AGPS: variants seen among roughly 807,000 people sequenced by gnomAD.
AGPS encodes alkyldihydroxyacetonephosphate synthase, peroxisomal.
In AGPS, 26 loss-of-function variants were observed where a neutral mutation model predicts 90.7. The ratio of observed to expected loss-of-function variants is 0.29; its 90% CI spans 0.21 to 0.40. The LOEUF is 0.40. Ranked by LOEUF, AGPS falls within the 10% of genes least tolerant of loss-of-function variation. The pLI is 1.00. For missense variants in AGPS, 540 were observed against 816.1 expected, an observed-to-expected ratio of 0.66 and a Z score of 4.12; for synonymous variants, 294 against 285.3, an observed-to-expected ratio of 1.03 and a Z score of -0.31.
At chr2:177,431,650 T>G (rs1460634674) in intron 2 of AGPS, among the ~76,000 whole-genome samples, 2 of 152,122 alleles carry the variant, frequency 1.3e-5, no homozygotes. Context: ...GCTGGGAAAA[T>G]AATTCAGCGA....
intron 5 of AGPS, among the ~76,000 whole-genome samples, chr2:177,440,301 A>G (rs1686562327): frequency 6.6e-6 from 1 of 152,122 alleles, no homozygotes; most frequent in Admixed American, 6.5e-5. Context: ...TGCTGTATTA[A>G]TAAGTTAACA....
intron 2 of AGPS, among the ~76,000 whole-genome samples, chr2:177,424,499 A>G (rs985409207): frequency 6.6e-6 from 1 of 152,108 alleles, no homozygotes; most frequent in South Asian, 2.1e-4. Context: ...ATGCCTCTGA[A>G]TAGTAATTAG....
intron 1 of AGPS, among the ~76,000 whole-genome samples, chr2:177,412,896 A>G (rs1460130292): frequency 6.6e-6 from 1 of 152,132 alleles, no homozygotes; most frequent in East Asian, 1.9e-4. Flanking sequence ...GTGCAGGAAC[A>G]ATGGCAAGCC....
chr2:177,464,773 A>G (rs1687399952), intron 9 of AGPS, among the ~76,000 whole-genome samples: 1 of 152,236 alleles, frequency 6.6e-6, no homozygotes, highest in African/African-American at 2.4e-5. Context: ...GCTTCTATGA[A>G]AGGAGCCTTG....
At chr2:177,486,105 G>A (rs997197580) in intron 11 of AGPS, among the ~76,000 whole-genome samples, 6 of 152,238 alleles carry the variant, frequency 3.9e-5, no homozygotes, top group South Asian at 2.1e-4. Context: ...AAATATTATG[G>A]ACTAGAAAGT....
At chr2:177,497,147 T>C (rs1233045479) in intron 12 of AGPS, among the ~76,000 whole-genome samples, 2 of 152,038 alleles carry the variant, frequency 1.3e-5, no homozygotes, top group Non-Finnish European at 2.9e-5. Flanking sequence ...ATTTATGTTA[T>C]TTTGGCAATT....
chr2:177,423,456 C>T (rs1685990471), intron 2 of AGPS, among the ~76,000 whole-genome samples: 1 of 152,000 alleles, frequency 6.6e-6, no homozygotes, highest in Non-Finnish European at 1.5e-5. Context: ...ATTCAGGCCC[C>T]TCGCCTTCTA....
chr2:177,451,023 A>G (rs12616443), intron 8 of AGPS, among the ~76,000 whole-genome samples: 86,064 of 127,420 alleles, frequency 0.68, 29,248 homozygotes, highest in Non-Finnish European at 0.76. Flanking sequence ...GTCTAGTGGC[A>G]CCATCATAGC....
At chr2:177,478,952 A>G (rs1185761532) in intron 10 of AGPS, among the ~76,000 whole-genome samples, 1 of 151,934 alleles carries the variant, frequency 6.6e-6, no homozygotes, top group South Asian at 2.1e-4. Context: ...GTTTTTGAGA[A>G]TGTCCTTGGA....
At chr2:177,436,187 GC>G (rs897061970) in intron 3 of AGPS, among the ~76,000 whole-genome samples, 9 of 111,888 alleles carry the variant, frequency 8.0e-5, no homozygotes, top group Admixed American at 4.2e-4. Context: ...GTCTCCCAGA[GC>G]TCTGTCGCTC....
intron 6 of AGPS, chr2:177,441,506 A>G (rs1686599494): frequency 6.4e-6 from 1 of 155,100 alleles, no homozygotes; most frequent in South Asian, 2.0e-4. Context: ...AATGCCATTT[A>G]TTATGAAATA....
At position 177,476,489 on chromosome 2, in the gene AGPS, T is replaced by C. The variant is rs1022640213; in HGVS notation, c.1106-5570T>C. Among the ~76,000 whole-genome samples, 4 of 152,266 alleles carry C rather than the reference T, an allele frequency of 2.6e-5. No individual in the cohort carries two copies. In the East Asian group the frequency reaches 5.8e-4, roughly 22 times the overall value. On this transcript the variant is annotated intron_variant, in intron 10 of 19. Coordinates refer to ENST00000264167, the MANE Select transcript of AGPS (RefSeq NM_003659.4). Reference sequence around the variant, plus strand: ...AGTTAGCTTTCCAATTTCTTTCTTATCAGTTTCTTATTTCATTCCATTGTG... The same window carrying C: ...AGTTAGCTTTCCAATTTCTTTCTTACCAGTTTCTTATTTCATTCCATTGTG...
At chr2:177,394,208 C>T (rs1426791930) in intron 1 of AGPS, among the ~76,000 whole-genome samples, 2 of 152,180 alleles carry the variant, frequency 1.3e-5, no homozygotes, top group Non-Finnish European at 2.9e-5. Flanking sequence ...ACGGTATTTA[C>T]TCTTAAGGAA....
intron 17 of AGPS, among the ~76,000 whole-genome samples, chr2:177,520,303 G>C (rs183391004): frequency 6.6e-6 from 1 of 152,208 alleles, no homozygotes; most frequent in East Asian, 1.9e-4. Flanking sequence ...CCTGACAAGA[G>C]GACTTAATGT....
At chr2:177,457,358 T>C (rs1435413747) in intron 8 of AGPS, among the ~76,000 whole-genome samples, 1 of 151,880 alleles carries the variant, frequency 6.6e-6, no homozygotes, top group Non-Finnish European at 1.5e-5. Flanking sequence ...CTGAAGGAGA[T>C]AGAGACACAA....
In AGPS at chr2:177,451,731, G is replaced by T. The variant is rs1686959161; in HGVS notation, c.870+6105G>T. 2.0e-5 allele frequency among the ~76,000 whole-genome samples: 3 copies of T among 151,962 alleles called. No homozygotes were observed. In the East Asian group the frequency reaches 5.8e-4, roughly 29 times the overall value. ...GAGTTTGAATTAGGAATGGATGTTGGATTTGTGAAAAAAATGTTATTTTGT... is the reference window on the plus strand; with the variant it reads ...GAGTTTGAATTAGGAATGGATGTTGTATTTGTGAAAAAAATGTTATTTTGT... On this transcript the variant is annotated intron_variant, in intron 8 of 19. Coordinates refer to ENST00000264167, the MANE Select transcript of AGPS (RefSeq NM_003659.4).
chr2:177,428,081 T>C (rs536599853), intron 2 of AGPS, among the ~76,000 whole-genome samples: 16 of 152,368 alleles, frequency 1.1e-4, no homozygotes, highest in African/African-American at 3.8e-4. Flanking sequence ...CATTATGTAA[T>C]GCTCTTCTTT....
At chr2:177,460,905 G>A (rs1486016424) in intron 8 of AGPS, among the ~76,000 whole-genome samples, 1 of 152,214 alleles carries the variant, frequency 6.6e-6, no homozygotes, top group South Asian at 2.1e-4. Flanking sequence ...AATAGATAGA[G>A]AATTTGTATT....
intron 2 of AGPS, among the ~76,000 whole-genome samples, chr2:177,425,441 A>C (rs1182683222): frequency 6.6e-6 from 1 of 151,746 alleles, no homozygotes; most frequent in Non-Finnish European, 1.5e-5. Context: ...ACCAACATGG[A>C]GAAACCCTGT....
Sources: allele counts gnomAD v4.1 joint callset (sites outside exome capture counted in the v4.1 genomes callset), GRCh38; gene constraint gnomAD v4.1.1; transcripts MANE v1.5; gene names NCBI Gene and HGNC (gene_info 2026-07-23, HGNC 2026-07-21).